CELF4: variants seen among roughly 807,000 people sequenced by gnomAD.
The protein encoded by CELF4 is CUGBP Elav-like family member 4.
Under a neutral mutation model 59.9 loss-of-function variants are expected in CELF4, and 18 were observed. That is an observed-to-expected ratio of 0.30 (90% confidence interval 0.21 to 0.45). The LOEUF (loss-of-function observed/expected upper bound fraction) is 0.45. Among genes scored for constraint, CELF4 ranks in the 20% least tolerant of loss-of-function variants. CELF4 has a pLI of 1.00. For missense variants in CELF4, 456 were observed against 689.0 expected (o/e 0.66, Z 3.79); for synonymous variants, 261 against 267.1 (o/e 0.98, Z 0.22).
intron 3 of CELF4, among the ~76,000 whole-genome samples, chr18:37,279,054 C>T (rs2093773793): frequency 6.6e-6 from 1 of 152,200 alleles, no homozygotes; most frequent in Non-Finnish European, 1.5e-5. Context: ...TCCACACAGC[C>T]CCTGACTCCT....
chr18:37,383,461 C>T (rs1182061317), intron 2 of CELF4, among the ~76,000 whole-genome samples: 1 of 152,168 alleles, frequency 6.6e-6, no homozygotes, highest in Admixed American at 6.5e-5. Flanking sequence ...TTCCTTCAAG[C>T]AGTTAAAATG....
At chr18:37,489,890 C>T (rs964366184) in intron 1 of CELF4, among the ~76,000 whole-genome samples, 1 of 152,156 alleles carries the variant, frequency 6.6e-6, no homozygotes, top group Non-Finnish European at 1.5e-5. Context: ...AAATCTCTCC[C>T]CATCTTCAGA....
intron 12 of CELF4, among the ~76,000 whole-genome samples, chr18:37,252,015 G>A (rs530320788): frequency 1.3e-5 from 2 of 152,276 alleles, no homozygotes; most frequent in African/African-American, 2.4e-5. Flanking sequence ...GGAGGCACAA[G>A]CACTCCCCCA....
intron 2 of CELF4, among the ~76,000 whole-genome samples, chr18:37,350,439 T>C (rs1482309054): frequency 2.6e-5 from 4 of 152,192 alleles, no homozygotes. Context: ...TGTGAATGGC[T>C]GTTTACTCAT....
chr18:37,565,465 C>T lies in CELF4; in HGVS notation c.177G>A (p.Gly59=). 1 of 1,614,082 alleles carries T rather than the reference C, an allele frequency of 6.2e-7. No homozygotes were observed. Among genetic ancestry groups the T allele is most frequent in the Non-Finnish European group, 8.5e-7 (1 of 1,180,016 alleles). ...TCTCATCCAGGTTGCGGGGGATCTG[C>T]CCAATGAACAGCTTGATGGCATCGT... is the stretch of plus-strand genomic sequence containing the variant. ...KDHDAIKLFI[G]QIPRNLDEKD... Residue 59 remains glycine, a synonymous_variant, in exon 1 of 13, where the codon GGG becomes GGA. Coordinates refer to ENST00000420428, the MANE Select transcript of CELF4 (RefSeq NM_020180.4).
chr18:37,473,983 C>CT (rs1161806484), intron 2 of CELF4: 3 of 152,222 alleles, frequency 2.0e-5, no homozygotes. Context: ...TCTTGGAAAC[C>CT]TTTTGCATTC....
intron 11 of CELF4, among the ~76,000 whole-genome samples, chr18:37,255,427 G>A (rs1365227245): frequency 2.0e-5 from 3 of 151,164 alleles, no homozygotes; most frequent in East Asian, 1.9e-4. Flanking sequence ...TCCTACAGCC[G>A]AACAAGCGCA....
At chr18:37,558,441 T>C (rs2099985528) in intron 1 of CELF4, among the ~76,000 whole-genome samples, 3 of 148,386 alleles carry the variant, frequency 2.0e-5, no homozygotes, top group African/African-American at 7.5e-5. Context: ...TGTTGCCGAA[T>C]GGAACACTTA....
At chr18:37,504,699 G>T (rs1167788234) in intron 1 of CELF4, among the ~76,000 whole-genome samples, 1 of 152,086 alleles carries the variant, frequency 6.6e-6, no homozygotes, top group Non-Finnish European at 1.5e-5. Context: ...GCACTGCCTC[G>T]GGCGAGGGGC....
chr18:37,395,484 G>A (rs919662150), intron 2 of CELF4, among the ~76,000 whole-genome samples: 1 of 152,208 alleles, frequency 6.6e-6, no homozygotes, highest in Non-Finnish European at 1.5e-5. Context: ...AGATTTAGGG[G>A]AAGGGAACCA....
At chr18:37,315,172 T>C (rs2096824842) in intron 3 of CELF4, among the ~76,000 whole-genome samples, 1 of 152,078 alleles carries the variant, frequency 6.6e-6, no homozygotes, top group African/African-American at 2.4e-5. Flanking sequence ...GCCTGTGCCT[T>C]GGGAGACAAG....
intron 2 of CELF4, among the ~76,000 whole-genome samples, chr18:37,475,019 G>A (rs1383576695): frequency 1.3e-5 from 2 of 152,226 alleles, no homozygotes; most frequent in African/African-American, 4.8e-5. Flanking sequence ...CAGTTCTCTG[G>A]CCCCTTGGGT....
intron 2 of CELF4, among the ~76,000 whole-genome samples, chr18:37,435,154 C>T (rs2099686663): frequency 6.6e-6 from 1 of 152,302 alleles, no homozygotes; most frequent in East Asian, 1.9e-4. Flanking sequence ...TCCTAGGACT[C>T]ACTACTCTGA....
chr18:37,522,440 G>A (rs905359366), intron 1 of CELF4, among the ~76,000 whole-genome samples: 2 of 152,080 alleles, frequency 1.3e-5, no homozygotes, highest in Non-Finnish European at 2.9e-5. Flanking sequence ...CTAAGGAACT[G>A]TCTCTAAGGG....
chr18:37,307,520 C>A (rs1271027086), intron 3 of CELF4, among the ~76,000 whole-genome samples: 9 of 152,220 alleles, frequency 5.9e-5, no homozygotes. Flanking sequence ...TGCTAATAGC[C>A]ATTAAATTAT....
At chr18:37,410,665 G>A (rs1373376454) in intron 2 of CELF4, among the ~76,000 whole-genome samples, 1 of 152,232 alleles carries the variant, frequency 6.6e-6, no homozygotes, top group Admixed American at 6.5e-5. Flanking sequence ...GAAGGTGAGA[G>A]TGTGCCCAGC....
chr18:37,498,967 G>T (rs965057425), intron 1 of CELF4, among the ~76,000 whole-genome samples: 1 of 152,210 alleles, frequency 6.6e-6, no homozygotes, highest in Admixed American at 6.5e-5. Context: ...TGTTGTTGTT[G>T]TCCGTAGTAA....
chr18:37,530,374 T>G (rs1158188397), intron 1 of CELF4, among the ~76,000 whole-genome samples: 1 of 152,102 alleles, frequency 6.6e-6, no homozygotes, highest in African/African-American at 2.4e-5. Flanking sequence ...CCACATTGTA[T>G]AGGACCATGC....
chr18:37,349,066 C>T (rs1024849863), intron 2 of CELF4, among the ~76,000 whole-genome samples: 2 of 152,230 alleles, frequency 1.3e-5, no homozygotes, highest in Non-Finnish European at 2.9e-5. Context: ...GGCAGCACAT[C>T]CATGGGGCCT....
Sources: allele counts gnomAD v4.1 joint callset (sites outside exome capture counted in the v4.1 genomes callset), GRCh38; gene constraint gnomAD v4.1.1; transcripts MANE v1.5; gene names NCBI Gene and HGNC (gene_info 2026-07-23, HGNC 2026-07-21).